The following PDGFD variants were observed in gnomAD, a reference collection of about 807,000 sequenced individuals.
PDGFD encodes platelet-derived growth factor D.
PDGFD carries 30 observed loss-of-function variants against 44.7 expected under a neutral mutation model. The ratio of observed to expected loss-of-function variants is 0.67; its 90% CI spans 0.50 to 0.91. PDGFD has a LOEUF of 0.91. Among genes scored for constraint, PDGFD ranks in the 40% least tolerant of loss-of-function variants. The pLI is 0.00. For synonymous variants in PDGFD, 173 were observed against 168.4 expected (o/e 1.03, Z -0.21); for missense variants, 445 against 457.8 (o/e 0.97, Z 0.25).
intron 1 of PDGFD, among the ~76,000 whole-genome samples, chr11:104,078,512 G>T (rs1206132803): frequency 1.5e-5 from 1 of 65,588 alleles, no homozygotes; most frequent in African/African-American, 1.2e-4. Flanking sequence ...CTTGATTCAG[G>T]CTTTCTTTTA....
In PDGFD at chr11:103,999,911, T is replaced by C. The variant is rs113541111; in HGVS notation, c.329+140A>G. 1.8e-5 allele frequency: 9 copies of C among 490,940 alleles called. No individual in the cohort carries two copies. In the African/African-American group the frequency reaches 2.0e-4, roughly 11 times the overall value. The allele number at this position is 490,940 out of a possible 1,614,324, so 30.4% of individuals were successfully genotyped here. A position where few individuals can be genotyped will look rare whatever the true frequency, so the allele number is the denominator to read the frequency against. On this transcript the variant is annotated intron_variant, in intron 2 of 6. Transcript: ENST00000393158. Reference sequence around the variant, plus strand: ...CTACGCTATCTTGTCTGTTAGGGTCTTTAGGCTTTTTGAAAAAGAAGCGAC... The same window carrying C: ...CTACGCTATCTTGTCTGTTAGGGTCCTTAGGCTTTTTGAAAAAGAAGCGAC...
intron 1 of PDGFD, among the ~76,000 whole-genome samples, chr11:104,068,085 G>A (rs1443366239): frequency 1.3e-5 from 2 of 152,088 alleles, no homozygotes; most frequent in African/African-American, 4.8e-5. Context: ...TAACATAAGA[G>A]ATCAGAAAGT....
intron 1 of PDGFD, among the ~76,000 whole-genome samples, chr11:104,102,053 C>T (rs891983243): frequency 6.6e-6 from 1 of 152,044 alleles, no homozygotes; most frequent in African/African-American, 2.4e-5. Flanking sequence ...AAAGCAATGG[C>T]AACAAAAGCC....
intron 3 of PDGFD, among the ~76,000 whole-genome samples, chr11:103,976,197 G>A (rs1236573577): frequency 4.6e-5 from 7 of 152,072 alleles, no homozygotes; most frequent in Non-Finnish European, 8.8e-5. Flanking sequence ...AGTTGTCCTG[G>A]AAGAGGTCCT....
chr11:103,995,418 G>T (rs1165491882), intron 3 of PDGFD, among the ~76,000 whole-genome samples: 1 of 152,180 alleles, frequency 6.6e-6, no homozygotes, highest in Non-Finnish European at 1.5e-5. Context: ...TCATTATAAG[G>T]TTGAACATTT....
At chr11:104,057,672 A>G (rs1051393013) in intron 1 of PDGFD, among the ~76,000 whole-genome samples, 15 of 152,334 alleles carry the variant, frequency 9.8e-5, no homozygotes, top group East Asian at 5.8e-4. Context: ...CCCTGAATCT[A>G]AAATAAAAGT....
chr11:104,067,606 C>A (rs1448836856), intron 1 of PDGFD, among the ~76,000 whole-genome samples: 1 of 152,052 alleles, frequency 6.6e-6, no homozygotes, highest in Non-Finnish European at 1.5e-5. Context: ...TGGAAGAAAA[C>A]AAGGAGGTCA....
chr11:104,082,133 C>CAT (rs981551524), intron 1 of PDGFD, among the ~76,000 whole-genome samples: 6 of 117,582 alleles, frequency 5.1e-5, no homozygotes, highest in African/African-American at 1.2e-4. Context: ...CATATACATA[C>CAT]ATACATATAT....
intron 1 of PDGFD, among the ~76,000 whole-genome samples, chr11:104,007,158 G>T (rs1859714946): frequency 6.6e-6 from 1 of 152,164 alleles, no homozygotes; most frequent in Non-Finnish European, 1.5e-5. Flanking sequence ...GTCCTATGCG[G>T]GGGATCAGGG....
intron 3 of PDGFD, among the ~76,000 whole-genome samples, chr11:103,973,253 C>T (rs951558178): frequency 7.3e-5 from 11 of 151,658 alleles, no homozygotes; most frequent in Non-Finnish European, 8.8e-5. Flanking sequence ...ATTTTCCTGC[C>T]TCAGCCTCCC....
At chr11:104,048,418 A>G (rs1393832471) in intron 1 of PDGFD, among the ~76,000 whole-genome samples, 1 of 151,884 alleles carries the variant, frequency 6.6e-6, no homozygotes, top group Non-Finnish European at 1.5e-5. Context: ...GAACAAAGCT[A>G]CTTCTTTTAA....
In PDGFD at chr11:104,163,854, G is replaced by C. The variant is rs1565352618; in HGVS notation, c.74C>G (p.Pro25Arg). ...CAAAGCTTTGATGGATGCGCTCTGC[G>C]GGGTTGCAGAAGTGTCCCGACAGCT... The part of the protein sequence containing the change: ...FCSCRDTSAT[P>R]QSASIKALRN... Residue 25 changes from proline to arginine, a missense_variant, in exon 1 of 7, where the codon CCG becomes CGG. Transcript: ENST00000393158. 1 of 1,577,418 alleles carries C rather than the reference G, an allele frequency of 6.3e-7. No individual in the cohort carries two copies. Among genetic ancestry groups the C allele is most frequent in the African/African-American group, 1.3e-5 (1 of 74,608 alleles).
intron 3 of PDGFD, among the ~76,000 whole-genome samples, chr11:103,987,065 A>ACCCCCCC (rs10565380): frequency 2.8e-5 from 4 of 141,708 alleles, no homozygotes; most frequent in Admixed American, 1.4e-4. Context: ...CCACTTTCCA[A>ACCCCCCC]CCCCCCCCCA....
intron 1 of PDGFD, among the ~76,000 whole-genome samples, chr11:104,059,287 C>T (rs1246063566): frequency 2.0e-5 from 3 of 152,092 alleles, no homozygotes; most frequent in East Asian, 1.9e-4. Flanking sequence ...AAATATAAAT[C>T]GTAAACATTC....
At chr11:104,139,976 C>A (rs1443944277) in intron 1 of PDGFD, among the ~76,000 whole-genome samples, 1 of 56,792 alleles carries the variant, frequency 1.8e-5, no homozygotes, top group Admixed American at 1.6e-4. Context: ...AGGAGAATGG[C>A]GTGAACCCAG....
intron 1 of PDGFD, among the ~76,000 whole-genome samples, chr11:104,017,017 A>G (rs1474815438): frequency 6.6e-6 from 1 of 152,206 alleles, no homozygotes; most frequent in African/African-American, 2.4e-5. Context: ...TGATGGTATT[A>G]GGAGGTGAGG....
chr11:104,037,525 C>T, intron 1 of PDGFD: 5 of 1,614,014 alleles, frequency 3.1e-6, no homozygotes, highest in Non-Finnish European at 4.2e-6. Context: ...AGAAGAGGCC[C>T]CCGAGAGTTT....
intron 1 of PDGFD, among the ~76,000 whole-genome samples, chr11:104,099,636 C>CAATAATAATAATAATAAT (rs72280494): frequency 1.4e-5 from 2 of 142,754 alleles, no homozygotes; most frequent in African/African-American, 2.6e-5. Flanking sequence ...GTTTCAAAAA[C>CAATAATAATAATAATAAT]AATAATAATA....
intron 6 of PDGFD, among the ~76,000 whole-genome samples, chr11:103,917,123 A>G (rs1858140059): frequency 6.6e-6 from 1 of 151,960 alleles, no homozygotes; most frequent in East Asian, 1.9e-4. Context: ...GATGAAGGTC[A>G]TTAGTGGCCA....
Sources: allele counts gnomAD v4.1 joint callset (sites outside exome capture counted in the v4.1 genomes callset), GRCh38; gene constraint gnomAD v4.1.1; transcripts MANE v1.5; gene names NCBI Gene and HGNC (gene_info 2026-07-23, HGNC 2026-07-21).